Variants in EFNA5 observed in about 807,000 individuals in gnomAD.
EFNA5 encodes ephrin A5, also known as ephrin-A5.
In EFNA5, 5 loss-of-function variants were observed where a neutral mutation model predicts 22.9. That is an observed-to-expected ratio of 0.22 (90% confidence interval 0.11 to 0.46). The LOEUF is 0.46. Among genes scored for constraint, EFNA5 ranks in the 20% least tolerant of loss-of-function variants. EFNA5 has a pLI of 0.99. For missense variants in EFNA5, 237 were observed against 293.3 expected (o/e 0.81, Z 1.40); for synonymous variants, 113 against 112.2 (o/e 1.01, Z -0.04).
At chr5:107,634,202 T>C (rs1169076037) in intron 1 of EFNA5, among the ~76,000 whole-genome samples, 2 of 152,208 alleles carry the variant, frequency 1.3e-5, no homozygotes, top group Non-Finnish European at 2.9e-5. Context: ...AGTCTCTTTA[T>C]TAGTATCCTA....
At chr5:107,546,573 C>T (rs893789121) in intron 1 of EFNA5, among the ~76,000 whole-genome samples, 11 of 151,478 alleles carry the variant, frequency 7.3e-5, no homozygotes, top group African/African-American at 2.4e-4. Flanking sequence ...AATGGCAGAG[C>T]AATGAAATAG....
intron 1 of EFNA5, among the ~76,000 whole-genome samples, chr5:107,451,838 C>T (rs531554621): frequency 6.6e-6 from 1 of 152,150 alleles, no homozygotes; most frequent in South Asian, 2.1e-4. Context: ...GACCTGGAAC[C>T]AGAAATACCA....
At position 107,547,891 on chromosome 5, in the gene EFNA5, A is replaced by G. The variant is rs371572936; in HGVS notation, c.126-120382T>C. 6.0e-4 allele frequency among the ~76,000 whole-genome samples: 92 copies of G among 152,296 alleles called. No individual in the cohort carries two copies. In the South Asian group the frequency reaches 0.018, roughly 31 times the overall value. On this transcript the variant is annotated intron_variant, in intron 1 of 4. Transcript: ENST00000333274. ...TGCTTTTGGCTTAAATTGAATCACT[A>G]TTTTTTGAACAAATAAACAAAAATC...
At chr5:107,601,518 C>A (rs1002547321) in intron 1 of EFNA5, among the ~76,000 whole-genome samples, 3 of 152,100 alleles carry the variant, frequency 2.0e-5, no homozygotes, top group African/African-American at 7.2e-5. Flanking sequence ...ATAATTTAAT[C>A]TTAAGAAGAG....
chr5:107,529,177 T>C (rs1747759015), intron 1 of EFNA5, among the ~76,000 whole-genome samples: 1 of 152,210 alleles, frequency 6.6e-6, no homozygotes, highest in Non-Finnish European at 1.5e-5. Flanking sequence ...CTAATTTCAA[T>C]ATTGGTAGAT....
intron 1 of EFNA5, among the ~76,000 whole-genome samples, chr5:107,522,966 G>T (rs1747626307): frequency 6.6e-6 from 1 of 152,116 alleles, no homozygotes; most frequent in South Asian, 2.1e-4. Flanking sequence ...CCTAAACAGG[G>T]TTCATCAAAT....
At chr5:107,427,665 T>C (rs940580578) in intron 1 of EFNA5, among the ~76,000 whole-genome samples, 156 bp from the exon 2 acceptor site, 2 of 152,024 alleles carry the variant, frequency 1.3e-5, no homozygotes, top group African/African-American at 4.8e-5. Flanking sequence ...GTTTGAAATG[T>C]TGCAGTTCCC....
At position 107,381,369 on chromosome 5, in the gene EFNA5, G is replaced by C; in HGVS notation, c.573C>G (p.Thr191=). ...GGGATGGCTCGGCTGACTCATGTAC[G>C]GTGTCATCTGTTCAAATAGAAAGCA... is the stretch of plus-strand genomic sequence containing the variant. The part of the protein sequence containing the change: ...VENSLEPADD[T]VHESAEPSRG... Residue 191 remains threonine (T), a synonymous_variant, in exon 5 of 5, where the codon ACC becomes ACG. Transcript: ENST00000333274. 6.2e-7 allele frequency: 1 copy of C among 1,611,310 alleles called. No individual in the cohort carries two copies. The highest frequency in any genetic ancestry group is 1.1e-5 in the South Asian group (1 of 90,928).
At chr5:107,643,754 G>A (rs187651872) in intron 1 of EFNA5, among the ~76,000 whole-genome samples, 8 of 152,168 alleles carry the variant, frequency 5.3e-5, no homozygotes, top group African/African-American at 1.9e-4. Flanking sequence ...GTTATCCAAA[G>A]AGAGCCCCCA....
intron 2 of EFNA5, among the ~76,000 whole-genome samples, chr5:107,410,121 G>A (rs891429457): frequency 6.0e-4 from 89 of 147,806 alleles, no homozygotes; most frequent in African/African-American, 2.1e-3. Flanking sequence ...TCCGCTTCCC[G>A]GGTTCACACC....
rs916982711 is a variant in EFNA5, at chr5:107,649,122, G to A, written c.125+21367C>T. Among the ~76,000 whole-genome samples the A allele has an allele frequency of 6.6e-5, 10 of 152,062 alleles. No homozygotes were observed. In the South Asian group the frequency reaches 1.7e-3, roughly 25 times the overall value. ...TAGTGTCAAGGCCTTACCACATCTC[G>A]GATCTTCTAAGTGAGATGCTCTCGC... On this transcript the variant is annotated intron_variant, in intron 1 of 4. Transcript: ENST00000333274.
chr5:107,397,575 C>T (rs1747962919), intron 2 of EFNA5, among the ~76,000 whole-genome samples: 1 of 151,486 alleles, frequency 6.6e-6, no homozygotes, highest in Admixed American at 6.6e-5. Flanking sequence ...GGGTAATTAT[C>T]TATTTTATTT....
In EFNA5 at chr5:107,645,359, C is replaced by G. The variant is rs142232869; in HGVS notation, c.125+25130G>C. Among the ~76,000 whole-genome samples, 62 of 152,250 alleles carry G rather than the reference C, an allele frequency of 4.1e-4. No individual in the cohort carries two copies. In the East Asian group the frequency reaches 4.6e-3, roughly 11 times the overall value. ...TGTATTTTATCCAAAGTATTTTTCC[C>G]AACTGACCGAATTAAATTTGTACTA... On this transcript the variant is annotated intron_variant, in intron 1 of 4. Coordinates refer to ENST00000333274, the MANE Select transcript of EFNA5 (RefSeq NM_001962.3).
At chr5:107,581,025 G>A (rs1444888436) in intron 1 of EFNA5, among the ~76,000 whole-genome samples, 1 of 152,152 alleles carries the variant, frequency 6.6e-6, no homozygotes, top group Non-Finnish European at 1.5e-5. Flanking sequence ...AGAAGACTTT[G>A]AACAAGAAAT....
At chr5:107,543,900 T>C (rs1748097298) in intron 1 of EFNA5, among the ~76,000 whole-genome samples, 1 of 152,176 alleles carries the variant, frequency 6.6e-6, no homozygotes, top group Non-Finnish European at 1.5e-5. Context: ...ATTCCATAGA[T>C]TCCGAAGATT....
At chr5:107,607,590 T>C (rs1052372450) in intron 1 of EFNA5, among the ~76,000 whole-genome samples, 3 of 152,202 alleles carry the variant, frequency 2.0e-5, no homozygotes, top group Non-Finnish European at 4.4e-5. Context: ...TCAATACTCA[T>C]CATGACATAG....
At chr5:107,561,350 C>T (rs1311934394) in intron 1 of EFNA5, among the ~76,000 whole-genome samples, 1 of 152,118 alleles carries the variant, frequency 6.6e-6, no homozygotes, top group Non-Finnish European at 1.5e-5. Context: ...ACCTCTTAGT[C>T]ATTAAATACC....
At chr5:107,551,907 A>T (rs993838) in intron 1 of EFNA5, among the ~76,000 whole-genome samples, 52,861 of 147,094 alleles carry the variant, frequency 0.36, 9,814 homozygotes, top group South Asian at 0.5. Context: ...GTAAGCTTTT[A>T]AAAAAAAAAG....
At chr5:107,472,405 G>T (rs1292545747) in intron 1 of EFNA5, among the ~76,000 whole-genome samples, 1 of 152,166 alleles carries the variant, frequency 6.6e-6, no homozygotes, top group African/African-American at 2.4e-5. Flanking sequence ...GATAAAAATT[G>T]TAACACTTTG....
Sources: allele counts gnomAD v4.1 joint callset (sites outside exome capture counted in the v4.1 genomes callset), GRCh38; gene constraint gnomAD v4.1.1; transcripts MANE v1.5; gene names NCBI Gene and HGNC (gene_info 2026-07-23, HGNC 2026-07-21).